The following DOCK2 variants were observed in gnomAD, a reference collection of about 807,000 sequenced individuals.
DOCK2 encodes the protein dedicator of cytokinesis 2.
DOCK2 carries 87 observed loss-of-function variants against 248.9 expected under a neutral mutation model. The observed-to-expected ratio is 0.35, with a 90% confidence interval of 0.29 to 0.42. DOCK2 has a LOEUF of 0.42. DOCK2 is among the 10% of genes least tolerant of loss of function. The pLI is 1.00. For synonymous variants in DOCK2, 805 were observed against 821.6 expected, an observed-to-expected ratio of 0.98 and a Z score of 0.35; for missense variants, 1,747 against 2,300.2, an observed-to-expected ratio of 0.76 and a Z score of 4.92.
intron 1 of DOCK2, among the ~76,000 whole-genome samples, chr5:169,638,212 G>A (rs1164562345): frequency 6.6e-6 from 1 of 152,174 alleles, no homozygotes; most frequent in Non-Finnish European, 1.5e-5. Context: ...TCGCAGGTGA[G>A]GCATTGGAAG....
chr5:169,640,155 T>TA (rs1261588799), intron 1 of DOCK2, among the ~76,000 whole-genome samples: 11 of 152,272 alleles, frequency 7.2e-5, no homozygotes, highest in Admixed American at 2.0e-4. Context: ...AATATGCACT[T>TA]ATCTCCAAAT....
intron 25 of DOCK2, among the ~76,000 whole-genome samples, chr5:169,771,271 CT>C (rs1302032869): frequency 6.6e-6 from 1 of 152,150 alleles, no homozygotes; most frequent in Non-Finnish European, 1.5e-5. Context: ...CTTTTCATGT[CT>C]TTTGACTGTT....
chr5:169,642,133 C>G (rs945293752), intron 1 of DOCK2, among the ~76,000 whole-genome samples: 1 of 152,208 alleles, frequency 6.6e-6, no homozygotes, highest in Non-Finnish European at 1.5e-5. Flanking sequence ...AACTTCACTA[C>G]AGAGGGACCA....
At position 169,864,962 on chromosome 5, in the gene DOCK2, C is replaced by T. The variant is rs1037349680; in HGVS notation, c.2799+24110C>T. ...ATGAAATGCTCAGAGTAGTGCCTGG[C>T]GTGCGCTAAGTCCTCCGTATGTGTT... On this transcript the variant is annotated intron_variant, in intron 27 of 51. Coordinates refer to ENST00000520908, the MANE Select transcript of DOCK2 (RefSeq NM_004946.3). 3.3e-5 allele frequency among the ~76,000 whole-genome samples: 5 copies of T among 152,244 alleles called. 1 individual carries two copies. Among genetic ancestry groups the T allele is most frequent in the African/African-American group, 1.2e-4 (5 of 41,546 alleles).
intron 26 of DOCK2, among the ~76,000 whole-genome samples, chr5:169,809,307 G>A (rs146003591): frequency 1.3e-5 from 2 of 152,250 alleles, no homozygotes; most frequent in African/African-American, 4.8e-5. Flanking sequence ...TGATGTTTTT[G>A]TTCACAACTT....
At chr5:169,879,826 A>C (rs1425069610) in intron 27 of DOCK2, among the ~76,000 whole-genome samples, 1 of 152,214 alleles carries the variant, frequency 6.6e-6, no homozygotes, top group East Asian at 1.9e-4. Context: ...CATGAAACTC[A>C]TAGTAGACTT....
Position 169,748,003 on chromosome 5 carries a change from G to A in DOCK2, c.2376+499G>A, listed in dbSNP as rs1040309209. ...TTGGGAAGGAGTTGAGCAGCTAAGA[G>A]TCTGAATGAAGAGGCTGTTTCAGGG... On this transcript the variant is annotated intron_variant, in intron 23 of 51. Transcript: ENST00000520908. 2.6e-5 allele frequency among the ~76,000 whole-genome samples: 4 copies of A among 152,300 alleles called. No homozygotes were observed. The South Asian group carries it at 8.3e-4, about 32-fold the overall frequency.
At chr5:169,674,100 G>A (rs561558740) in intron 5 of DOCK2, among the ~76,000 whole-genome samples, 197 bp from the exon 6 acceptor site, 1 of 152,232 alleles carries the variant, frequency 6.6e-6, no homozygotes, top group South Asian at 2.1e-4. Flanking sequence ...TTTGCTTTTG[G>A]GAAATCCCTG....
chr5:169,728,626 A>G (rs73318255), intron 22 of DOCK2, among the ~76,000 whole-genome samples: 1 of 152,040 alleles, frequency 6.6e-6, no homozygotes, highest in Non-Finnish European at 1.5e-5. Context: ...AAGTTAGCCA[A>G]CCCTTTCCCA....
At chr5:169,678,869 G>A (rs867329613) in intron 6 of DOCK2, among the ~76,000 whole-genome samples, 1 of 152,082 alleles carries the variant, frequency 6.6e-6, no homozygotes, top group Middle Eastern at 3.4e-3. Flanking sequence ...GTCAGGGTGG[G>A]GATGACAACC....
At chr5:169,966,489 A>G (rs920320034) in intron 27 of DOCK2, among the ~76,000 whole-genome samples, 3 of 152,210 alleles carry the variant, frequency 2.0e-5, no homozygotes, top group Non-Finnish European at 2.9e-5. Context: ...ATCACATTCA[A>G]TCTATATAAG....
At chr5:170,027,814 C>A in intron 33 of DOCK2, 49 bp from the exon 34 acceptor site, 1 of 1,542,798 alleles carries the variant, frequency 6.5e-7, no homozygotes, top group Admixed American at 1.7e-5. Flanking sequence ...CTAATTTCAG[C>A]CCTCAGCCTT....
intron 27 of DOCK2, among the ~76,000 whole-genome samples, chr5:169,968,658 C>T (rs1561857241): frequency 1.3e-5 from 2 of 152,282 alleles, no homozygotes; most frequent in African/African-American, 2.4e-5. Context: ...ACTGAGTCTT[C>T]GAAATCTTCA....
intron 33 of DOCK2, among the ~76,000 whole-genome samples, chr5:170,025,995 C>T (rs1387722827): frequency 6.6e-6 from 1 of 152,102 alleles, no homozygotes; most frequent in Non-Finnish European, 1.5e-5. Context: ...ACATTTATCA[C>T]AGTCCTACCC....
intron 2 of DOCK2, among the ~76,000 whole-genome samples, chr5:169,666,987 G>A (rs1758772011): frequency 6.6e-6 from 1 of 152,138 alleles, no homozygotes; most frequent in Non-Finnish European, 1.5e-5. Flanking sequence ...CAGGAGTGAG[G>A]TGCAACTCTG....
chr5:169,892,066 C>T (rs148782415), intron 27 of DOCK2, among the ~76,000 whole-genome samples: 1 of 151,296 alleles, frequency 6.6e-6, no homozygotes, highest in African/African-American at 2.4e-5. Context: ...AAACTTTAGA[C>T]CTTGGGGAGA....
chr5:170,077,887 C>T (rs371328092), intron 48 of DOCK2, 50 bp downstream of exon 48: 3 of 1,460,740 alleles, frequency 2.1e-6, no homozygotes, highest in Admixed American at 1.7e-5. Context: ...CTCCCTGGCT[C>T]TATCCCCCCT....
At chr5:169,799,396 A>T (rs915704104) in intron 25 of DOCK2, among the ~76,000 whole-genome samples, 3 of 152,200 alleles carry the variant, frequency 2.0e-5, no homozygotes, top group African/African-American at 7.2e-5. Flanking sequence ...TAGGGAAGTT[A>T]TTCGTATCCC....
intron 26 of DOCK2, among the ~76,000 whole-genome samples, chr5:169,821,307 C>T (rs953536584): frequency 3.3e-5 from 5 of 151,628 alleles, no homozygotes; most frequent in African/African-American, 1.2e-4. Flanking sequence ...AACTCCAAGA[C>T]ACATAATTGT....
Sources: allele counts gnomAD v4.1 joint callset (sites outside exome capture counted in the v4.1 genomes callset), GRCh38; gene constraint gnomAD v4.1.1; transcripts MANE v1.5; gene names NCBI Gene and HGNC (gene_info 2026-07-23, HGNC 2026-07-21).